Variants in SNX29 observed in about 807,000 individuals in gnomAD.
The protein encoded by SNX29 is sorting nexin-29.
A neutral mutation model predicts 102.1 loss-of-function variants in SNX29; 78 were observed. That is an observed-to-expected ratio of 0.76 (90% CI 0.64 to 0.92). SNX29 has a LOEUF of 0.92. Among genes scored for constraint, SNX29 ranks in the 40% least tolerant of loss-of-function variants. The pLI is 0.00. For missense variants in SNX29, 1,280 were observed against 1,061.7 expected (o/e 1.21, Z -2.86); for synonymous variants, 580 against 414.5 (o/e 1.40, Z -4.85).
chr16:11,998,904 T>C (rs2056184731), intron 1 of SNX29, among the ~76,000 whole-genome samples: 1 of 152,198 alleles, frequency 6.6e-6, no homozygotes, highest in African/African-American at 2.4e-5. Context: ...TATTTTAGGC[T>C]GCTGGTTGAC....
intron 14 of SNX29, among the ~76,000 whole-genome samples, chr16:12,231,488 G>A (rs1217720575): frequency 1.3e-5 from 2 of 151,946 alleles, no homozygotes; most frequent in African/African-American, 4.8e-5. Context: ...TCCAGCTAGT[G>A]GATAGACCAG....
intron 20 of SNX29, among the ~76,000 whole-genome samples, chr16:12,529,167 T>G (rs2076865722): frequency 5.3e-5 from 8 of 152,172 alleles, no homozygotes; most frequent in Admixed American, 2.0e-4. Flanking sequence ...AATTGGAAAG[T>G]AGGCCGGTGG....
chr16:12,186,220 ACTT>A (rs1344208520), intron 13 of SNX29, among the ~76,000 whole-genome samples: 9 of 152,174 alleles, frequency 5.9e-5, no homozygotes, highest in Non-Finnish European at 1.0e-4. Flanking sequence ...TTCTAAAGGA[ACTT>A]CTTTTTTTAA....
intron 8 of SNX29, chr16:12,060,959 G>A (rs995973893): frequency 4.6e-6 from 2 of 433,774 alleles, no homozygotes; most frequent in Non-Finnish European, 9.3e-6. Context: ...GAGGGGCTCA[G>A]ATGCAGCGAG....
intron 20 of SNX29, chr16:12,557,605 A>C (rs544955386): frequency 6.6e-6 from 1 of 152,106 alleles, no homozygotes; most frequent in Non-Finnish European, 1.5e-5. Context: ...CAAATGACCC[A>C]TTCTCCTTGG....
At chr16:12,523,478 C>G (rs892739391) in intron 19 of SNX29, among the ~76,000 whole-genome samples, 1 of 152,246 alleles carries the variant, frequency 6.6e-6, no homozygotes, top group Non-Finnish European at 1.5e-5. Flanking sequence ...CCGATGCTCA[C>G]TGCCCAGGGT....
chr16:12,352,524 AT>A (rs1186978489), intron 15 of SNX29, among the ~76,000 whole-genome samples: 2 of 152,254 alleles, frequency 1.3e-5, no homozygotes, highest in South Asian at 2.1e-4. Flanking sequence ...AAAAAAAAAA[AT>A]TTGATAGATG....
At chr16:12,253,129 C>T (rs2142401054) in intron 14 of SNX29, among the ~76,000 whole-genome samples, 1 of 152,290 alleles carries the variant, frequency 6.6e-6, no homozygotes, top group South Asian at 2.1e-4. Flanking sequence ...TCCTGCCCCT[C>T]AGCAGCATGT....
intron 18 of SNX29, among the ~76,000 whole-genome samples, chr16:12,415,556 G>C (rs2084595619): frequency 6.6e-6 from 1 of 152,196 alleles, no homozygotes; most frequent in Admixed American, 6.5e-5. Context: ...CAGGCAGGTT[G>C]GTATTGATGT....
At chr16:12,560,791 C>A (rs895239595) in intron 20 of SNX29, 1 of 177,186 alleles carries the variant, frequency 5.6e-6, no homozygotes, top group East Asian at 9.6e-5. Flanking sequence ...TTTTCCATGC[C>A]CTTAAGATTA....
chr16:12,181,722 C>G (rs993824562), intron 13 of SNX29, among the ~76,000 whole-genome samples: 1 of 152,214 alleles, frequency 6.6e-6, no homozygotes, highest in South Asian at 2.1e-4. Context: ...GGGGGGTCCT[C>G]CTCAGGGCTT....
chr16:12,553,153 C>T (rs75616669), intron 20 of SNX29, among the ~76,000 whole-genome samples: 2,336 of 152,298 alleles, frequency 0.015, 56 homozygotes, highest in African/African-American at 0.053. Context: ...CTCTGGGGTC[C>T]TTCCTGGGAT....
chr16:12,512,746 TCTC>T lies in SNX29; in HGVS notation c.2179-11952_2179-11950del, dbSNP rs1369743321. On this transcript the variant is annotated intron_variant, in intron 19 of 20. Transcript: ENST00000566228. Reference sequence around the variant, plus strand: ...CAGGGACAACTAGGTGCTGTTCACTTCTCCTCACAGGGCCTGGCACAGAAGTGA... The same window carrying T: ...CAGGGACAACTAGGTGCTGTTCACTTCTCACAGGGCCTGGCACAGAAGTGA... Among the ~76,000 whole-genome samples, 5 of 152,052 alleles carry T rather than the reference TCTC, an allele frequency of 3.3e-5. No individual in the cohort carries two copies. The East Asian group carries it at 7.7e-4, about 24-fold the overall frequency.
chr16:12,377,577 G>C (rs925462071), intron 16 of SNX29, among the ~76,000 whole-genome samples: 2 of 152,286 alleles, frequency 1.3e-5, no homozygotes, highest in Admixed American at 1.3e-4. Context: ...TCACTCAACG[G>C]GTAGGTTATG....
In SNX29 at chr16:12,572,265, G is replaced by A; in HGVS notation, c.*3636G>A. 1 of 1,060,128 alleles carries A rather than the reference G, an allele frequency of 9.4e-7. No homozygotes were observed. The highest frequency in any genetic ancestry group is 4.6e-5 in the South Asian group (1 of 21,908). 65.7% of individuals were successfully genotyped at this position (1,060,128 alleles called of 1,614,324 possible). On this transcript the variant is annotated 3_prime_UTR_variant, in exon 21 of 21. Coordinates refer to ENST00000566228, the MANE Select transcript of SNX29 (RefSeq NM_032167.5). ...CAGGTGGATTGATACCATGGCTGTA[G>A]CTGATGCAACTAACAAGTACTGGGG...
chr16:12,514,045 A>T (rs2089753179), intron 19 of SNX29, among the ~76,000 whole-genome samples: 1 of 152,160 alleles, frequency 6.6e-6, no homozygotes, highest in Admixed American at 6.5e-5. Flanking sequence ...TTTGCCGTGG[A>T]TTGCGGCTTG....
At chr16:12,052,509 G>T (rs1470072369) in intron 8 of SNX29, 4 of 364,748 alleles carry the variant, frequency 1.1e-5, no homozygotes, top group Middle Eastern at 8.8e-4. Context: ...GAGCCACCAC[G>T]CCCAGCCTTC....
chr16:12,127,088 G>A (rs1050668022), intron 12 of SNX29, among the ~76,000 whole-genome samples: 6 of 151,918 alleles, frequency 3.9e-5, no homozygotes, highest in South Asian at 4.2e-4. Context: ...GTGAAACCCC[G>A]TCTCTACTAA....
chr16:12,537,495 G>T (rs1449045247), intron 20 of SNX29, among the ~76,000 whole-genome samples: 1 of 152,196 alleles, frequency 6.6e-6, no homozygotes, highest in African/African-American at 2.4e-5. Context: ...GATAGTGGCA[G>T]AGATTTCACA....
Sources: gnomAD v4.1 joint callset for allele counts (sites outside exome capture counted in the v4.1 genomes callset) on GRCh38, gnomAD v4.1.1 for gene constraint, MANE v1.5 for transcripts, NCBI Gene and HGNC (gene_info 2026-07-23, HGNC 2026-07-21) for gene names.